Variants in CLVS2 observed in about 807,000 individuals in gnomAD.
The protein encoded by CLVS2 is clavesin-2.
CLVS2 carries 19 observed loss-of-function variants against 29.0 expected under a neutral mutation model. That is an observed-to-expected ratio of 0.66 (90% CI 0.46 to 0.96). CLVS2 has a LOEUF of 0.96. Among genes scored for constraint, CLVS2 ranks in the 40% least tolerant of loss-of-function variants. CLVS2 has a pLI of 0.00. For missense variants in CLVS2, 294 were observed against 404.1 expected (o/e 0.73, Z 2.34); for synonymous variants, 161 against 151.3 (o/e 1.06, Z -0.47).
chr6:123,060,583 A>C (rs1372121661), intron 5 of CLVS2, among the ~76,000 whole-genome samples: 9 of 152,238 alleles, frequency 5.9e-5, no homozygotes, highest in Admixed American at 4.6e-4. Flanking sequence ...ACTGAGAAAC[A>C]GGAAAGGTAA....
At position 123,014,884 on chromosome 6, in the gene CLVS2, T is replaced by C. The variant is rs551027983; in HGVS notation, c.564+3725T>C. ...AGCATCTAGATATTTTTATGTTGGG[T>C]GTCAAATAAAATACATTTTCATGTT... is the stretch of plus-strand genomic sequence containing the variant. On this transcript the variant is annotated intron_variant, in intron 3 of 5. Transcript: ENST00000275162. Among the ~76,000 whole-genome samples, 11 of 152,172 alleles carry C rather than the reference T, an allele frequency of 7.2e-5. No homozygotes were observed. In the South Asian group the frequency reaches 1.2e-3, roughly 17 times the overall value.
chr6:123,055,756 T>C, intron 4 of CLVS2, 50 bp from the exon 5 acceptor site: 3 of 1,309,378 alleles, frequency 2.3e-6, no homozygotes, highest in Non-Finnish European at 3.3e-6. Context: ...TTAGATGGTA[T>C]TTAGTTTCCT....
At chr6:123,037,558 A>G (rs1775172262) in intron 3 of CLVS2, among the ~76,000 whole-genome samples, 1 of 152,030 alleles carries the variant, frequency 6.6e-6, no homozygotes, top group Non-Finnish European at 1.5e-5. Context: ...TGTGCACCAA[A>G]GACACCTATG....
rs1772965371 is a variant in CLVS2, at chr6:123,072,573, AT to A, written c.*8813del. ...AGTGGAAACCATTTCCCTCTGTGATATCCTTTTTTGCCAACCTATATGAATG... is the reference window on the plus strand; with the variant it reads ...AGTGGAAACCATTTCCCTCTGTGATACCTTTTTTGCCAACCTATATGAATG... On this transcript the variant is annotated 3_prime_UTR_variant, in exon 6 of 6. Transcript: ENST00000275162. 6.6e-6 allele frequency: 1 copy of A among 152,074 alleles called. No homozygotes were observed. Among genetic ancestry groups the A allele is most frequent in the Non-Finnish European group, 1.5e-5 (1 of 67,970 alleles). The allele number at this position is 152,074 out of a possible 1,614,324, so 9.4% of individuals were successfully genotyped here.
chr6:123,011,672 C>G (rs1774749766), intron 3 of CLVS2, among the ~76,000 whole-genome samples: 1 of 151,760 alleles, frequency 6.6e-6, no homozygotes. Flanking sequence ...GAGGGGCTGT[C>G]ACATGGAATT....
At chr6:123,033,675 G>A (rs1307551542) in intron 3 of CLVS2, among the ~76,000 whole-genome samples, 1 of 151,964 alleles carries the variant, frequency 6.6e-6, no homozygotes. Flanking sequence ...TAGACTTGGT[G>A]CCCAGAGCAT....
At chr6:123,000,136 G>T (rs1314740275) in intron 2 of CLVS2, among the ~76,000 whole-genome samples, 1 of 152,084 alleles carries the variant, frequency 6.6e-6, no homozygotes, top group Middle Eastern at 3.2e-3. Context: ...AGAACAAAAT[G>T]AGAAGCTGTG....
chr6:123,023,205 G>A (rs1275498997), intron 3 of CLVS2, among the ~76,000 whole-genome samples: 1 of 152,038 alleles, frequency 6.6e-6, no homozygotes, highest in Non-Finnish European at 1.5e-5. Flanking sequence ...GCTGTGGTGT[G>A]TCCTTTTCTC....
chr6:123,034,888 T>C (rs1213585903), intron 3 of CLVS2, among the ~76,000 whole-genome samples: 1 of 152,126 alleles, frequency 6.6e-6, no homozygotes, highest in East Asian at 1.9e-4. Flanking sequence ...TATTATTATT[T>C]CAAAATGAAA....
rs567051745 is a variant in CLVS2, at chr6:123,070,669, A to G, written c.*6908A>G. On this transcript the variant is annotated 3_prime_UTR_variant, in exon 6 of 6. Transcript: ENST00000275162. ...GTACAGCAACATAGCATGGTTTCTG[A>G]TTGGGCTGGCATTTTTGCTGGTACT... 1.6e-4 allele frequency: 25 copies of G among 152,066 alleles called. No individual in the cohort carries two copies. The highest frequency in any genetic ancestry group is 5.5e-4 in the African/African-American group (23 of 41,518). 9.4% of individuals were successfully genotyped at this position (152,066 alleles called of 1,614,324 possible).
intron 5 of CLVS2, among the ~76,000 whole-genome samples, chr6:123,056,360 C>T (rs547469888): frequency 2.0e-5 from 3 of 152,122 alleles, no homozygotes; most frequent in East Asian, 3.9e-4. Flanking sequence ...TGAATATCTC[C>T]CTATCCACCC....
intron 3 of CLVS2, among the ~76,000 whole-genome samples, chr6:123,029,694 A>G (rs1197581580): frequency 6.6e-6 from 1 of 152,164 alleles, no homozygotes; most frequent in Non-Finnish European, 1.5e-5. Flanking sequence ...TAGGAGAGTT[A>G]TTGACTTGAC....
chr6:122,996,965 G>A (rs1023200544), intron 1 of CLVS2, among the ~76,000 whole-genome samples: 3 of 152,054 alleles, frequency 2.0e-5, no homozygotes, highest in Non-Finnish European at 4.4e-5. Flanking sequence ...GAAGTTGGGG[G>A]TGGGGTTGGG....
chr6:123,056,655 G>T (rs574706690), intron 5 of CLVS2, among the ~76,000 whole-genome samples: 1 of 152,288 alleles, frequency 6.6e-6, no homozygotes, highest in South Asian at 2.1e-4. Flanking sequence ...GAAACCAAAG[G>T]TTTTGAGGGG....
At chr6:123,062,554 C>T (rs1009876537) in intron 5 of CLVS2, among the ~76,000 whole-genome samples, 46 of 151,910 alleles carry the variant, frequency 3.0e-4, no homozygotes, top group African/African-American at 1.1e-3. Flanking sequence ...ACTTAGGAAA[C>T]AAAATCTCTC....
intron 3 of CLVS2, among the ~76,000 whole-genome samples, chr6:123,037,629 C>G (rs1180002270): frequency 6.6e-6 from 1 of 152,040 alleles, no homozygotes; most frequent in Non-Finnish European, 1.5e-5. Context: ...TTACCCAGCC[C>G]TGACCCTCAC....
rs1044864163 is a variant in CLVS2 at position 123,041,131 on chromosome 6, C to G, written c.565-7491C>G. On this transcript the variant is annotated intron_variant, in intron 3 of 5. Transcript: ENST00000275162. ...TAATGCCCAAGTGAAATGATGTTGTCTGATAGGCTCCTCTACAGGTTGCAT... is the reference window on the plus strand; with the variant it reads ...TAATGCCCAAGTGAAATGATGTTGTGTGATAGGCTCCTCTACAGGTTGCAT... Among the ~76,000 whole-genome samples the G allele has an allele frequency of 3.2e-4, 48 of 152,028 alleles. 1 individual carries two copies. The highest frequency in any genetic ancestry group is 1.1e-3 in the African/African-American group (46 of 41,394).
chr6:123,000,052 C>T (rs970894879), intron 2 of CLVS2, among the ~76,000 whole-genome samples: 29 of 152,126 alleles, frequency 1.9e-4, no homozygotes, highest in East Asian at 1.9e-4. Context: ...ATAATGGAAA[C>T]GGAGTTAATA....
chr6:123,005,712 T>A (rs559384174), intron 2 of CLVS2, among the ~76,000 whole-genome samples: 292 of 152,228 alleles, frequency 1.9e-3, no homozygotes, highest in Middle Eastern at 0.01. Flanking sequence ...GCTTCTCTGA[T>A]CTAAAAAATT....
Sources: gnomAD v4.1 joint callset for allele counts (sites outside exome capture counted in the v4.1 genomes callset) on GRCh38, gnomAD v4.1.1 for gene constraint, MANE v1.5 for transcripts, NCBI Gene and HGNC (gene_info 2026-07-23, HGNC 2026-07-21) for gene names.